The following GSAP variants were observed in gnomAD, a reference collection of about 807,000 sequenced individuals.
The protein encoded by GSAP is gamma-secretase-activating protein.
GSAP carries 118 observed loss-of-function variants against 131.7 expected under a neutral mutation model. The ratio of observed to expected loss-of-function variants is 0.90; its 90% CI spans 0.77 to 1.04. The LOEUF is 1.04. GSAP is among the 50% of genes least tolerant of loss of function. The pLI is 0.00. For synonymous variants in GSAP, 381 were observed against 363.4 expected (o/e 1.05, Z -0.55); for missense variants, 1,019 against 1,013.2 (o/e 1.01, Z -0.08).
chr7:77,348,779 G>A (rs6950444), intron 19 of GSAP, among the ~76,000 whole-genome samples: 7,268 of 152,278 alleles, frequency 0.048, 281 homozygotes, highest in Non-Finnish European at 0.072. Flanking sequence ...GTTGCAGAAA[G>A]ACACTAACAG....
chr7:77,385,596 C>CAAAGTGTACACTG (rs1798448564), intron 6 of GSAP, among the ~76,000 whole-genome samples: 1 of 152,178 alleles, frequency 6.6e-6, no homozygotes, highest in South Asian at 2.1e-4. Context: ...TGTCCCCAGC[C>CAAAGTGTACACTG]TCCCCACATT....
intron 6 of GSAP, 83 bp downstream of exon 6, chr7:77,387,277 G>T: frequency 1.3e-6 from 1 of 756,532 alleles, no homozygotes; most frequent in Non-Finnish European, 2.4e-6. Context: ...ATGATAGAGT[G>T]AAAGTACTTT....
rs759481822 is a variant in GSAP, at chr7:77,374,126, T to C, written c.815A>G (p.Gln272Arg). The C allele has an allele frequency of 5.0e-6, 8 of 1,592,444 alleles. No homozygotes were observed. The highest frequency in any genetic ancestry group is 6.0e-6 in the Non-Finnish European group (7 of 1,163,102). ...GTGTTTGGAAAATTTATCTCGGTATTGATGATAATCACATCCAAAGTTGAC... is the reference window on the plus strand; with the variant it reads ...GTGTTTGGAAAATTTATCTCGGTATCGATGATAATCACATCCAAAGTTGAC... Reference protein sequence around the residue: ...KLVNFGCDYHQYRDKFSKHLT... With the variant: ...KLVNFGCDYHRYRDKFSKHLT... The change falls in exon 12 of 31, where the codon CAA (glutamine) becomes CGA (arginine). Residue 272 changes from glutamine (Q) to arginine (R), a missense_variant. Physicochemically the swap from Gln to Arg is conservative, Grantham distance 43 (BLOSUM62 1). Coordinates refer to ENST00000257626, the MANE Select transcript of GSAP (RefSeq NM_017439.4).
rs930646006 is a variant in GSAP at position 77,355,551 on chromosome 7, G to A, written c.1120+4C>T. The stretch of plus-strand genomic sequence containing the variant: ...CCTCTACAAGAGAAAAACTATAGCC[G>A]TACCTGTCAGAAAGAGATTGTGGCA... On this transcript the variant is annotated splice_donor_region_variant and intron_variant, in intron 15 of 30. Transcript: ENST00000257626. The A allele has an allele frequency of 1.3e-5, 20 of 1,596,512 alleles. No individual in the cohort carries two copies. Among genetic ancestry groups the A allele is most frequent in the South Asian group, 2.2e-5 (2 of 90,584 alleles).
chr7:77,404,629 AC>A lies in GSAP; in HGVS notation c.187-15del. 1.4e-6 allele frequency: 2 copies of A among 1,419,256 alleles called. No individual in the cohort carries two copies. Among genetic ancestry groups the A allele is most frequent in the Non-Finnish European group, 2.0e-6 (2 of 1,008,406 alleles). The allele number at this position is 1,419,256 out of a possible 1,614,324, so 87.9% of individuals were successfully genotyped here. A position where few individuals can be genotyped will look rare whatever the true frequency, so the allele number is the denominator to read the frequency against. The stretch of plus-strand genomic sequence containing the variant: ...TCCCTTATCATCCTAAAAAAAATTA[AC>A]CAGATGTTTATTAAATGTCATTGTT... On this transcript the variant is annotated splice_polypyrimidine_tract_variant and intron_variant, in intron 2 of 30. Transcript: ENST00000257626.
chr7:77,359,703 G>A (rs1794270797), intron 14 of GSAP, among the ~76,000 whole-genome samples: 2 of 152,204 alleles, frequency 1.3e-5, no homozygotes, highest in African/African-American at 2.4e-5. Flanking sequence ...CTCTCCACAC[G>A]CTAAAGACCA....
Position 77,387,386 on chromosome 7 carries a change from C to A in GSAP, c.430G>T (p.Ala144Ser). The change falls in exon 6 of 31, where the codon GCT becomes TCT. Residue 144 changes from alanine to serine, a missense_variant. Physicochemically the swap from Ala to Ser is moderately conservative, Grantham distance 99. Transcript: ENST00000257626. ...TGAACCCAAATATAGCTATCCACAG[C>A]CTTTAGAACCTTCACATTGTTAACA... ...HPVNNVKVLKAVDSYIWVQFL... is the reference protein window; with the variant it reads ...HPVNNVKVLKSVDSYIWVQFL... 6.3e-7 allele frequency: 1 copy of A among 1,593,872 alleles called. No individual in the cohort carries two copies.
Position 77,311,161 on chromosome 7 carries a change from C to A in GSAP, c.*197G>T. The A allele has an allele frequency of 1.8e-6, 1 of 541,024 alleles. No individual in the cohort carries two copies. The highest frequency in any genetic ancestry group is 3.3e-6 in the Non-Finnish European group (1 of 302,316). 33.5% of individuals were successfully genotyped at this position (541,024 alleles called of 1,614,324 possible). A position where few individuals can be genotyped will look rare whatever the true frequency, so the allele number is the denominator to read the frequency against. ...TTTATCATTTCTCTACACTTGATTG[C>A]TCACTGGCTATTCAAAATTGGAATG... On this transcript the variant is annotated 3_prime_UTR_variant, in exon 31 of 31. Transcript: ENST00000257626.
At chr7:77,345,355 C>A (rs1791636357) in intron 19 of GSAP, among the ~76,000 whole-genome samples, 1 of 152,126 alleles carries the variant, frequency 6.6e-6, no homozygotes, top group Non-Finnish European at 1.5e-5. Context: ...AAACATTGCC[C>A]ATTATTGCTC....
intron 17 of GSAP, 128 bp downstream of exon 17, chr7:77,353,444 G>GTTTTT: frequency 1.9e-6 from 1 of 517,008 alleles, no homozygotes; most frequent in Non-Finnish European, 3.4e-6. Context: ...ATAGAGTTTT[G>GTTTTT]TTTTTTTTTT....
chr7:77,385,991 T>C (rs1798510578), intron 6 of GSAP, among the ~76,000 whole-genome samples: 1 of 152,236 alleles, frequency 6.6e-6, no homozygotes, highest in Admixed American at 6.5e-5. Flanking sequence ...TCAAATTATT[T>C]GCAGTAGTTA....
chr7:77,347,552 C>T (rs1792095239), intron 19 of GSAP, among the ~76,000 whole-genome samples: 1 of 152,046 alleles, frequency 6.6e-6, no homozygotes, highest in Non-Finnish European at 1.5e-5. Flanking sequence ...ACAGTTTGGA[C>T]AGAGTTTTTC....
chr7:77,413,447 T>C (rs1200482419), intron 1 of GSAP, among the ~76,000 whole-genome samples: 2 of 152,230 alleles, frequency 1.3e-5, no homozygotes, highest in African/African-American at 2.4e-5. Context: ...TGGGACAAGC[T>C]GTTCTTTGAA....
chr7:77,332,331 T>C (rs1789276117), intron 19 of GSAP, among the ~76,000 whole-genome samples: 2 of 152,280 alleles, frequency 1.3e-5, no homozygotes, highest in Non-Finnish European at 2.9e-5. Context: ...ACATTTTTCA[T>C]AGTTTTGTTT....
intron 2 of GSAP, among the ~76,000 whole-genome samples, chr7:77,405,601 C>T (rs896157054): frequency 1.3e-5 from 2 of 151,996 alleles, no homozygotes; most frequent in East Asian, 3.9e-4. Flanking sequence ...GCAGTGGCAC[C>T]ATCTCAGCTC....
At position 77,396,968 on chromosome 7, in the gene GSAP, T is replaced by C. The variant is rs1460349309; in HGVS notation, c.367+14A>G. 8 of 1,518,284 alleles carry C rather than the reference T, an allele frequency of 5.3e-6. No individual in the cohort carries two copies. Among genetic ancestry groups the C allele is most frequent in the Non-Finnish European group, 7.3e-6 (8 of 1,097,402 alleles). 94.1% of individuals were successfully genotyped at this position (1,518,284 alleles called of 1,614,324 possible). A position where few individuals can be genotyped will look rare whatever the true frequency, so the allele number is the denominator to read the frequency against. ...TCATCTACCCATAGGTACTAAAAAG[T>C]GTAATTTCATTACCTGGTTGAAGTT... On this transcript the variant is annotated intron_variant, in intron 5 of 30. Coordinates refer to ENST00000257626, the MANE Select transcript of GSAP (RefSeq NM_017439.4).
chr7:77,356,101 G>A (rs1472037120), intron 14 of GSAP, among the ~76,000 whole-genome samples: 1 of 151,798 alleles, frequency 6.6e-6, no homozygotes, highest in Non-Finnish European at 1.5e-5. Flanking sequence ...TGAACTCCTG[G>A]GCTTGAGCAA....
At chr7:77,391,120 C>T (rs1254821185) in intron 5 of GSAP, among the ~76,000 whole-genome samples, 2 of 98,310 alleles carry the variant, frequency 2.0e-5, no homozygotes, top group East Asian at 3.1e-4. Context: ...GATGAGGCTC[C>T]GTCTCAAAAA....
intron 12 of GSAP, among the ~76,000 whole-genome samples, chr7:77,368,896 G>A (rs898806745): frequency 6.6e-6 from 1 of 152,172 alleles, no homozygotes; most frequent in Non-Finnish European, 1.5e-5. Flanking sequence ...TTTACAAGCT[G>A]GGGAAGCATG....
Sources: gnomAD v4.1 joint callset for allele counts (sites outside exome capture counted in the v4.1 genomes callset) on GRCh38, gnomAD v4.1.1 for gene constraint, MANE v1.5 for transcripts, NCBI Gene and HGNC (gene_info 2026-07-23, HGNC 2026-07-21) for gene names.